RYR3: variants seen among roughly 807,000 people sequenced by gnomAD.
RYR3 encodes brain ryanodine receptor-calcium release channel.
RYR3 carries 207 observed loss-of-function variants against 584.3 expected under a neutral mutation model. The ratio of observed to expected loss-of-function variants is 0.35; its 90% CI spans 0.32 to 0.40. The LOEUF (loss-of-function observed/expected upper bound fraction) is 0.40, where lower values mean the gene tolerates loss of function less well. RYR3 is among the 10% of genes least tolerant of loss of function. The pLI, the probability that RYR3 is intolerant of heterozygous loss-of-function variation, is 1.00. For missense variants in RYR3, 5,616 were observed against 6,089.2 expected (o/e 0.92, Z 2.59); for synonymous variants, 2,416 against 2,248.5 (o/e 1.07, Z -2.11).
At chr15:33,386,270 C>G (rs2041595998) in intron 1 of RYR3, among the ~76,000 whole-genome samples, 1 of 152,184 alleles carries the variant, frequency 6.6e-6, no homozygotes, top group Non-Finnish European at 1.5e-5. Context: ...TTCTTTAACT[C>G]ATTGGCGTTT....
At chr15:33,728,435 A>G (rs1378546508) in intron 46 of RYR3, among the ~76,000 whole-genome samples, 1 of 152,264 alleles carries the variant, frequency 6.6e-6, no homozygotes, top group Non-Finnish European at 1.5e-5. Flanking sequence ...AATAATGAGC[A>G]TGTTTAACAA....
chr15:33,536,375 T>G (rs1041514348), intron 5 of RYR3, among the ~76,000 whole-genome samples: 2 of 152,236 alleles, frequency 1.3e-5, no homozygotes, highest in African/African-American at 4.8e-5. Flanking sequence ...CTTATTCTGG[T>G]CTCCTTTTAA....
chr15:33,314,680 C>A (rs1040130426), intron 1 of RYR3, among the ~76,000 whole-genome samples: 1 of 152,042 alleles, frequency 6.6e-6, no homozygotes, highest in African/African-American at 2.4e-5. Context: ...TTTGGGAGGC[C>A]GAGGCGGGTG....
intron 64 of RYR3, among the ~76,000 whole-genome samples, chr15:33,776,094 G>A (rs188508212): frequency 6.6e-5 from 10 of 152,232 alleles, no homozygotes; most frequent in South Asian, 2.1e-4. Context: ...TTTTGCTGGC[G>A]TCTCCTTGAC....
intron 1 of RYR3, among the ~76,000 whole-genome samples, chr15:33,325,541 T>C (rs186933681): frequency 2.5e-4 from 38 of 152,336 alleles, no homozygotes; most frequent in African/African-American, 9.1e-4. Flanking sequence ...TACAGCTTCT[T>C]CTGAGCCTTC....
intron 43 of RYR3, among the ~76,000 whole-genome samples, chr15:33,713,507 TGATG>T (rs1321424886): frequency 1.4e-5 from 2 of 147,008 alleles, no homozygotes; most frequent in Non-Finnish European, 3.1e-5. Flanking sequence ...TGGTGAGTGA[TGATG>T]GGGGTGGTGA....
chr15:33,739,306 C>A (rs1224182117), intron 50 of RYR3, among the ~76,000 whole-genome samples: 3 of 152,172 alleles, frequency 2.0e-5, no homozygotes, highest in Non-Finnish European at 4.4e-5. Flanking sequence ...ATAAGCAGAT[C>A]AAAAGCTCTT....
Position 33,586,019 on chromosome 15 carries a change from G to A in RYR3, c.1691G>A (p.Cys564Tyr). 1 of 1,612,066 alleles carries A rather than the reference G, an allele frequency of 6.2e-7. No individual in the cohort carries two copies. Among genetic ancestry groups the A allele is most frequent in the South Asian group, 1.1e-5 (1 of 91,054 alleles). Residue 564 changes from cysteine to tyrosine, a missense_variant, in exon 16 of 104, where the codon TGC (cysteine) becomes TAC (tyrosine). Physicochemically the swap from Cys to Tyr is radical, Grantham distance 194. This residue lies in a region of RYR3 where 1,284 missense variants were observed against 1,344.6 expected (regional missense o/e 0.95). Coordinates refer to ENST00000634891, the MANE Select transcript of RYR3 (RefSeq NM_001036.6). ...SSSGILEVLH[C>Y]ILTESPEALN... ...GTAGGTATCTTGGAAGTTTTGCACT[G>A]CATCTTAACTGAAAGCCCAGAAGCC... is the stretch of plus-strand genomic sequence containing the variant.
chr15:33,384,382 T>C (rs553690004), intron 1 of RYR3, among the ~76,000 whole-genome samples: 3 of 151,330 alleles, frequency 2.0e-5, no homozygotes, highest in East Asian at 1.9e-4. Flanking sequence ...CTGATTATAA[T>C]TGAGTTTTGT....
intron 60 of RYR3, among the ~76,000 whole-genome samples, chr15:33,764,126 G>GTA (rs2072780214): frequency 6.6e-6 from 1 of 151,940 alleles, no homozygotes; most frequent in African/African-American, 2.4e-5. Flanking sequence ...AGACATGCCC[G>GTA]TGTACGTTTA....
At chr15:33,688,675 A>G (rs1050983981) in intron 38 of RYR3, among the ~76,000 whole-genome samples, 7 of 152,200 alleles carry the variant, frequency 4.6e-5, no homozygotes, top group African/African-American at 1.7e-4. Flanking sequence ...CCACAATGAA[A>G]TATCATCTCG....
intron 1 of RYR3, among the ~76,000 whole-genome samples, chr15:33,382,140 G>A (rs1315201731): frequency 6.6e-6 from 1 of 151,970 alleles, no homozygotes; most frequent in Non-Finnish European, 1.5e-5. Flanking sequence ...ACTGCAAGAA[G>A]CTTGGTGGGG....
rs2062564462 is a variant in RYR3 at position 33,652,795 on chromosome 15, T to C, written c.4220T>C (p.Val1407Ala). The change falls in exon 32 of 104, where the codon GTG (valine) becomes GCG (alanine). Residue 1407 changes from valine to alanine, a missense_variant. Around this residue, in one of 9 missense-constraint regions of RYR3, gnomAD observed 753 missense variants for 741.0 expected, o/e 1.02. Transcript: ENST00000634891. ...ASSQRSNRSN[V>A]DLEIGCLVDL... ...TCCCAGAGATCAAATCGGAGCAACG[T>C]GGACCTGGAGATCGGCTGTCTCGTG... The C allele has an allele frequency of 2.5e-6, 4 of 1,613,954 alleles. No individual in the cohort carries two copies. The highest frequency in any genetic ancestry group is 2.5e-6 in the Non-Finnish European group (3 of 1,179,878).
intron 2 of RYR3, among the ~76,000 whole-genome samples, chr15:33,495,263 G>A (rs1232476758): frequency 1.3e-5 from 2 of 152,174 alleles, no homozygotes; most frequent in Non-Finnish European, 2.9e-5. Context: ...GAGGTAGGTA[G>A]CCTAGTGGGA....
intron 1 of RYR3, among the ~76,000 whole-genome samples, chr15:33,404,986 G>C (rs180949720): frequency 1.3e-5 from 2 of 152,100 alleles, no homozygotes; most frequent in African/African-American, 4.8e-5. Context: ...GTGTGACCTC[G>C]GGAAACTGGT....
At chr15:33,681,554 T>C (rs2064618874) in intron 38 of RYR3, among the ~76,000 whole-genome samples, 1 of 152,098 alleles carries the variant, frequency 6.6e-6, no homozygotes, top group Non-Finnish European at 1.5e-5. Context: ...CTGGGAGAAA[T>C]AAAGTAGAGG....
intron 1 of RYR3, among the ~76,000 whole-genome samples, chr15:33,316,537 C>T (rs895481274): frequency 2.6e-5 from 4 of 151,962 alleles, no homozygotes; most frequent in Non-Finnish European, 4.4e-5. Context: ...GAGTGGGATG[C>T]TGTAATAATA....
chr15:33,865,523 G>A lies in RYR3; in HGVS notation c.*297G>A, dbSNP rs1000532467. 1.2e-4 allele frequency: 40 copies of A among 327,680 alleles called. No homozygotes were observed. Among genetic ancestry groups the A allele is most frequent in the Middle Eastern group, 9.3e-4 (1 of 1,078 alleles). The allele number at this position is 327,680 out of a possible 1,614,324, so 20.3% of individuals were successfully genotyped here. On this transcript the variant is annotated 3_prime_UTR_variant, in exon 104 of 104. Coordinates refer to ENST00000634891, the MANE Select transcript of RYR3 (RefSeq NM_001036.6). ...TGAGGTAACTAGTTCAGTTTGTTGG[G>A]ATGGAAGCATGAAGGAAAGGGCTAG...
chr15:33,551,615 T>C (rs1474427414), intron 10 of RYR3, among the ~76,000 whole-genome samples: 1 of 152,184 alleles, frequency 6.6e-6, no homozygotes, highest in Non-Finnish European at 1.5e-5. Flanking sequence ...ATTTCAAATA[T>C]TAAAAGACAT....
Sources: allele counts gnomAD v4.1 joint callset (sites outside exome capture counted in the v4.1 genomes callset), GRCh38; gene constraint gnomAD v4.1.1; regional missense constraint gnomAD v4.1.1; transcripts MANE v1.5; gene names NCBI Gene and HGNC (gene_info 2026-07-23, HGNC 2026-07-21).